The following CDYL2 variants were observed in gnomAD, a reference collection of about 807,000 sequenced individuals.
The protein encoded by CDYL2 is chromodomain Y-like protein 2.
CDYL2 carries 23 observed loss-of-function variants against 49.4 expected under a neutral mutation model. The observed-to-expected ratio is 0.47, with a 90% CI of 0.34 to 0.66. The LOEUF is 0.66. CDYL2 is among the 30% of genes least tolerant of loss of function. CDYL2 has a pLI of 0.01. For synonymous variants in CDYL2, 360 were observed against 268.8 expected, an observed-to-expected ratio of 1.34 and a Z score of -3.32; for missense variants, 678 against 656.4, an observed-to-expected ratio of 1.03 and a Z score of -0.36.
At chr16:80,672,245 G>A (rs764826063) in intron 2 of CDYL2, among the ~76,000 whole-genome samples, 4 of 149,018 alleles carry the variant, frequency 2.7e-5, no homozygotes, top group Admixed American at 1.4e-4. Flanking sequence ...TGCCCAATAT[G>A]GAAATAGACG....
intron 4 of CDYL2, among the ~76,000 whole-genome samples, chr16:80,616,879 G>A (rs1027064589): frequency 6.6e-6 from 1 of 152,178 alleles, no homozygotes; most frequent in East Asian, 1.9e-4. Flanking sequence ...CATTTTGATT[G>A]TTCCCATTTT....
rs541721428 is a variant in CDYL2 at position 80,749,290 on chromosome 16, C to T, written c.24+54860G>A. 9.9e-5 allele frequency among the ~76,000 whole-genome samples: 15 copies of T among 152,228 alleles called. 1 individual carries two copies. The South Asian group carries it at 2.9e-3, about 29-fold the overall frequency. On this transcript the variant is annotated intron_variant, in intron 1 of 6. Transcript: ENST00000570137. Reference sequence around the variant, plus strand: ...TAATCATTTTTAAAATTGTTGAAAACATATAAAAGTTATTGAAAATGCATA... The same window carrying T: ...TAATCATTTTTAAAATTGTTGAAAATATATAAAAGTTATTGAAAATGCATA...
rs565789362 is a variant in CDYL2, at chr16:80,747,525, G to T, written c.24+56625C>A. 4.6e-5 allele frequency among the ~76,000 whole-genome samples: 7 copies of T among 152,284 alleles called. No homozygotes were observed. In the East Asian group the frequency reaches 1.4e-3, roughly 29 times the overall value. On this transcript the variant is annotated intron_variant, in intron 1 of 6. Transcript: ENST00000570137. ...TATTACGTGCTTAATAAATGCCAGG[G>T]ATTGTTGTTACCAATGTTGTCGTGA...
At chr16:80,642,068 A>T (rs1472025032) in intron 2 of CDYL2, among the ~76,000 whole-genome samples, 5 of 152,198 alleles carry the variant, frequency 3.3e-5, no homozygotes, top group Non-Finnish European at 5.9e-5. Context: ...TAATAACTAC[A>T]ACAACTCTTC....
chr16:80,758,954 G>C (rs1277997356), intron 1 of CDYL2, among the ~76,000 whole-genome samples: 1 of 151,374 alleles, frequency 6.6e-6, no homozygotes, highest in Non-Finnish European at 1.5e-5. Flanking sequence ...ATACTAACCA[G>C]ACATTAAGAA....
chr16:80,610,492 G>A (rs991534153), intron 5 of CDYL2, among the ~76,000 whole-genome samples: 1 of 152,158 alleles, frequency 6.6e-6, no homozygotes, highest in Admixed American at 6.5e-5. Context: ...TTTGAAGAGG[G>A]AACTTAAGGG....
At position 80,716,115 on chromosome 16, in the gene CDYL2, A is replaced by C. The variant is rs187698004; in HGVS notation, c.25-30986T>G. Among the ~76,000 whole-genome samples, 18 of 152,340 alleles carry C rather than the reference A, an allele frequency of 1.2e-4. No individual in the cohort carries two copies. In the East Asian group the frequency reaches 3.3e-3, roughly 28 times the overall value. ...CAAATCAGGTAAAAATAATTGTAAC[A>C]AGGCCTGGTACATAAAAGGAATTCA... is the stretch of plus-strand genomic sequence containing the variant. On this transcript the variant is annotated intron_variant, in intron 1 of 6. Coordinates refer to ENST00000570137, the MANE Select transcript of CDYL2 (RefSeq NM_152342.4).
intron 1 of CDYL2, among the ~76,000 whole-genome samples, chr16:80,719,055 T>A (rs1044200660): frequency 2.0e-5 from 3 of 152,140 alleles, no homozygotes. Flanking sequence ...CTCCTGAGAT[T>A]CCCCAGGGAC....
intron 1 of CDYL2, among the ~76,000 whole-genome samples, chr16:80,782,530 G>GAAA (rs1188248662): frequency 0.012 from 428 of 34,272 alleles, 1 homozygote; most frequent in Middle Eastern, 0.032. Context: ...GACATAAGGA[G>GAAA]AAAAAAAAAA....
chr16:80,747,711 T>C (rs989810178), intron 1 of CDYL2, among the ~76,000 whole-genome samples: 1 of 152,136 alleles, frequency 6.6e-6, no homozygotes, highest in Admixed American at 6.5e-5. Context: ...AACCAAAAGC[T>C]ATCTTCACAG....
chr16:80,658,212 C>A (rs146371349), intron 2 of CDYL2, among the ~76,000 whole-genome samples: 282 of 151,344 alleles, frequency 1.9e-3, no homozygotes, highest in African/African-American at 6.6e-3. Flanking sequence ...AAGAGGTGAC[C>A]CTTCTTTGAG....
chr16:80,749,984 G>C (rs1906074643), intron 1 of CDYL2, among the ~76,000 whole-genome samples: 1 of 150,860 alleles, frequency 6.6e-6, no homozygotes. Flanking sequence ...CTATCCCAAG[G>C]ACAGAAAACC....
intron 1 of CDYL2, among the ~76,000 whole-genome samples, chr16:80,762,675 A>G (rs1165169874): frequency 1.3e-5 from 2 of 152,170 alleles, no homozygotes; most frequent in African/African-American, 4.8e-5. Context: ...ATCCTTTTGG[A>G]GCTTGTCCAG....
At chr16:80,680,040 TA>T (rs1272899748) in intron 2 of CDYL2, among the ~76,000 whole-genome samples, 1 of 152,240 alleles carries the variant, frequency 6.6e-6, no homozygotes, top group Non-Finnish European at 1.5e-5. Context: ...CAACTGCCTT[TA>T]AAACATGGTT....
intron 4 of CDYL2, among the ~76,000 whole-genome samples, chr16:80,613,083 G>A (rs911142286): frequency 2.6e-5 from 4 of 152,032 alleles, no homozygotes; most frequent in Admixed American, 1.3e-4. Context: ...TCCTAGCACT[G>A]CACCCAGTTA....
chr16:80,659,058 TGG>T (rs1908928149), intron 2 of CDYL2, among the ~76,000 whole-genome samples: 3 of 28,794 alleles, frequency 1.0e-4, no homozygotes, highest in Non-Finnish European at 1.8e-4. Flanking sequence ...AGGTGATGGA[TGG>T]ATGGATGGAT....
chr16:80,728,941 C>T (rs1905245523), intron 1 of CDYL2, among the ~76,000 whole-genome samples: 1 of 151,012 alleles, frequency 6.6e-6, no homozygotes, highest in Non-Finnish European at 1.5e-5. Flanking sequence ...TAAAAGAGCT[C>T]CTGAAGGAAG....
intron 1 of CDYL2, among the ~76,000 whole-genome samples, chr16:80,773,575 T>C (rs1208471381): frequency 6.6e-6 from 1 of 152,166 alleles, no homozygotes; most frequent in Non-Finnish European, 1.5e-5. Context: ...ATAAGGCAAT[T>C]CTGATACATC....
At chr16:80,717,004 T>TG (rs1904827562) in intron 1 of CDYL2, among the ~76,000 whole-genome samples, 1 of 147,342 alleles carries the variant, frequency 6.8e-6, no homozygotes, top group African/African-American at 2.5e-5. Flanking sequence ...ATGATTCAAT[T>TG]GATGGATGGA....
Sources: allele counts gnomAD v4.1 joint callset (sites outside exome capture counted in the v4.1 genomes callset), GRCh38; gene constraint gnomAD v4.1.1; transcripts MANE v1.5; gene names NCBI Gene and HGNC (gene_info 2026-07-23, HGNC 2026-07-21).